FAM163B: variants seen among roughly 807,000 people sequenced by gnomAD.
FAM163B encodes protein FAM163B.
Under a neutral mutation model 7.6 loss-of-function variants are expected in FAM163B, and 4 were observed. The ratio of observed to expected loss-of-function variants is 0.52; its 90% CI spans 0.26 to 1.20. The LOEUF (loss-of-function observed/expected upper bound fraction) is 1.20. FAM163B is among the 50% of genes most tolerant of loss of function. The pLI is 0.14. For synonymous variants in FAM163B, 120 were observed against 111.6 expected (o/e 1.07, Z -0.47); for missense variants, 250 against 243.0 (o/e 1.03, Z -0.19).
At chr9:133,585,810 G>C (rs2131226569) in intron 1 of FAM163B, among the ~76,000 whole-genome samples, 1 of 152,380 alleles carries the variant, frequency 6.6e-6, no homozygotes, top group African/African-American at 2.4e-5. Context: ...CCAGGGCAGA[G>C]AGGGCCAACC....
chr9:133,591,637 G>A (rs2131243258), intron 1 of FAM163B, among the ~76,000 whole-genome samples: 1 of 152,336 alleles, frequency 6.6e-6, no homozygotes, highest in South Asian at 2.1e-4. Context: ...GACTCAGGGG[G>A]GCGGAGAACA....
At chr9:133,593,694 T>G (rs561066792) in intron 1 of FAM163B, among the ~76,000 whole-genome samples, 14 of 152,262 alleles carry the variant, frequency 9.2e-5, no homozygotes, top group Non-Finnish European at 2.1e-4. Context: ...CCATGGCATC[T>G]GCTGAGAGTC....
chr9:133,599,768 GTTT>G (rs1199607151), intron 1 of FAM163B, among the ~76,000 whole-genome samples: 1 of 148,588 alleles, frequency 6.7e-6, no homozygotes, highest in African/African-American at 2.5e-5. Flanking sequence ...GTACAAGTGT[GTTT>G]TTGTCTGTGC....
intron 1 of FAM163B, among the ~76,000 whole-genome samples, chr9:133,608,668 G>T (rs1831818273): frequency 6.6e-6 from 1 of 152,246 alleles, no homozygotes; most frequent in African/African-American, 2.4e-5. Context: ...TGAAAATGCA[G>T]CACCGACTCT....
intron 1 of FAM163B, among the ~76,000 whole-genome samples, chr9:133,591,485 T>C (rs7040825): frequency 0.76 from 115,238 of 151,794 alleles, 44,138 homozygotes; most frequent in African/African-American, 0.85. Flanking sequence ...GGACCCTGCC[T>C]GGCCTTCTCC....
In FAM163B at chr9:133,579,364, C is replaced by A; in HGVS notation, c.159G>T (p.Ser53=). The A allele has an allele frequency of 6.2e-7, 1 of 1,612,504 alleles. No homozygotes were observed. Among genetic ancestry groups the A allele is most frequent in the Non-Finnish European group, 8.5e-7 (1 of 1,179,592 alleles). ...DEEEPDFAVH[S]HLPPLHSNRN... is the part of the protein sequence containing the mutation. The stretch of plus-strand genomic sequence containing the variant: ...GGTTGGAGTGCAGCGGGGGCAGGTG[C>A]GAGTGAACGGCGAAGTCTGGTTCCT... Residue 53 remains serine (S), a synonymous_variant, in exon 3 of 3, where the codon TCG becomes TCT. Transcript: ENST00000673969.
chr9:133,604,971 G>A (rs536496405), intron 1 of FAM163B, among the ~76,000 whole-genome samples: 26 of 152,352 alleles, frequency 1.7e-4, no homozygotes, highest in Admixed American at 3.3e-4. Context: ...GGACCTCCTC[G>A]TGAGGAACGG....
chr9:133,585,100 G>A lies in FAM163B; in HGVS notation c.-23-4854C>T, dbSNP rs1292134356. Among the ~76,000 whole-genome samples, 14 of 152,356 alleles carry A rather than the reference G, an allele frequency of 9.2e-5. No homozygotes were observed. The South Asian group carries it at 1.9e-3, about 20-fold the overall frequency. On this transcript the variant is annotated intron_variant, in intron 1 of 2. Coordinates refer to ENST00000673969, the MANE Select transcript of FAM163B (RefSeq NM_001080515.3). ...GAGTCTGTGGCAAGGGGGCCTGGGC[G>A]GGCAACAGTCCCCTTCTGAGGGCCC...
intron 1 of FAM163B, among the ~76,000 whole-genome samples, chr9:133,589,323 C>T (rs529447930): frequency 3.9e-5 from 6 of 152,280 alleles, no homozygotes; most frequent in East Asian, 1.9e-4. Context: ...CTTCAATTGC[C>T]GGGACAGCCA....
chr9:133,598,942 G>A lies in FAM163B; in HGVS notation c.-24+10135C>T, dbSNP rs574356650. ...GGCCTGAGATCCCTGCCCTCATCAG[G>A]GAGAGCCCAGGGCAGATGGAGGGGA... On this transcript the variant is annotated intron_variant, in intron 1 of 2. Transcript: ENST00000673969. Among the ~76,000 whole-genome samples, 2 of 152,236 alleles carry A rather than the reference G, an allele frequency of 1.3e-5. 1 individual carries two copies. The highest frequency in any genetic ancestry group is 3.9e-4 in the East Asian group (2 of 5,152).
At chr9:133,579,501 C>T in intron 2 of FAM163B, 72 bp from the exon 3 acceptor site, 2 of 1,484,798 alleles carry the variant, frequency 1.3e-6, no homozygotes, top group Non-Finnish European at 1.8e-6. Context: ...GAAAGGCTAC[C>T]CCTGACTGGG....
intron 1 of FAM163B, among the ~76,000 whole-genome samples, chr9:133,584,846 C>T (rs992218945): frequency 1.3e-5 from 2 of 152,260 alleles, no homozygotes; most frequent in African/African-American, 4.8e-5. Flanking sequence ...GGCTACTCTG[C>T]CGCCTGCTTG....
intron 1 of FAM163B, among the ~76,000 whole-genome samples, chr9:133,607,837 C>T (rs1459241412): frequency 6.6e-6 from 1 of 152,164 alleles, no homozygotes; most frequent in East Asian, 1.9e-4. Context: ...TCACAAGCTG[C>T]CAGCACCTAA....
intron 1 of FAM163B, among the ~76,000 whole-genome samples, chr9:133,587,581 G>T (rs376771723): frequency 1.3e-4 from 20 of 152,316 alleles, no homozygotes; most frequent in African/African-American, 4.8e-4. Flanking sequence ...AGTGGGCAGG[G>T]TCTAGCCTTC....
At chr9:133,586,179 G>A (rs1831435225) in intron 1 of FAM163B, 1 of 152,282 alleles carries the variant, frequency 6.6e-6, no homozygotes, top group African/African-American at 2.4e-5. Flanking sequence ...GCCCGGCTGG[G>A]GGTGGGCTGG....
chr9:133,607,296 G>A (rs1021638038), intron 1 of FAM163B, among the ~76,000 whole-genome samples: 2 of 152,188 alleles, frequency 1.3e-5, no homozygotes, highest in African/African-American at 2.4e-5. Context: ...CTCGAGTCCC[G>A]ACTTCTCCAT....
chr9:133,596,658 G>T (rs1463641632), intron 1 of FAM163B, among the ~76,000 whole-genome samples: 1 of 152,190 alleles, frequency 6.6e-6, no homozygotes, highest in Non-Finnish European at 1.5e-5. Flanking sequence ...TGCAGAGAGA[G>T]ATGATAGCCC....
chr9:133,595,365 C>T (rs2131250250), intron 1 of FAM163B, among the ~76,000 whole-genome samples: 1 of 152,330 alleles, frequency 6.6e-6, no homozygotes, highest in Admixed American at 6.5e-5. Context: ...AGGCTGTCCT[C>T]CAACTCTTGA....
chr9:133,606,885 A>C lies in FAM163B; in HGVS notation c.-24+2192T>G, dbSNP rs1588336254. 6.6e-6 allele frequency among the ~76,000 whole-genome samples: 1 copy of C among 152,218 alleles called. No homozygotes were observed. On this transcript the variant is annotated intron_variant, in intron 1 of 2. Transcript: ENST00000673969. The surrounding 1 kb of genome is among the most constrained non-coding windows in gnomAD (Gnocchi z 4.0). Reference sequence around the variant, plus strand: ...GCCATGAGGCTGCAGAGGCAGGCCCACGTGGCAGGAGCCAGAGGTCTCACT... The same window carrying C: ...GCCATGAGGCTGCAGAGGCAGGCCCCCGTGGCAGGAGCCAGAGGTCTCACT...
Sources: gnomAD v4.1 joint callset for allele counts (sites outside exome capture counted in the v4.1 genomes callset) on GRCh38, gnomAD v4.1.1 for gene constraint, Gnocchi (gnomAD v3.1) non-coding constraint, MANE v1.5 for transcripts, NCBI Gene and HGNC (gene_info 2026-07-23, HGNC 2026-07-21) for gene names.